MYO1B: variants seen among roughly 807,000 people sequenced by gnomAD.
The protein encoded by MYO1B is myosin IB.
A neutral mutation model predicts 159.7 loss-of-function variants in MYO1B; 72 were observed. The observed-to-expected ratio is 0.45, with a 90% CI of 0.37 to 0.55. MYO1B has a LOEUF of 0.55. MYO1B is among the 20% of genes least tolerant of loss of function. The probability of loss-of-function intolerance (pLI) is 0.00; values close to 1 mark genes in which losing one functional copy is unlikely to be tolerated. For missense variants in MYO1B, 1,062 were observed against 1,364.8 expected (o/e 0.78, Z 3.50); for synonymous variants, 468 against 473.8 (o/e 0.99, Z 0.16).
chr2:191,353,693 C>T (rs893246626), intron 7 of MYO1B, among the ~76,000 whole-genome samples: 13 of 152,158 alleles, frequency 8.5e-5, no homozygotes, highest in African/African-American at 2.7e-4. Flanking sequence ...AAACAAAAGA[C>T]GGCAAATTAC....
At chr2:191,408,403 C>A (rs151048598) in intron 25 of MYO1B, among the ~76,000 whole-genome samples, 1 of 152,084 alleles carries the variant, frequency 6.6e-6, no homozygotes, top group Admixed American at 6.5e-5. Flanking sequence ...GTTAATGGCC[C>A]GTATATTATT....
Position 191,270,729 on chromosome 2 carries a change from C to T in MYO1B, c.-9-6158C>T, listed in dbSNP as rs998807934. On this transcript the variant is annotated intron_variant, in intron 1 of 30. Transcript: ENST00000392318. ...TGCCATCAGGATTTGCTGAGAGTTA[C>T]TGTGTTCATGAAATCTTGCCACATT... Among the ~76,000 whole-genome samples the T allele has an allele frequency of 7.2e-5, 11 of 152,322 alleles. No homozygotes were observed. In the South Asian group the frequency reaches 8.3e-4, roughly 11 times the overall value.
chr2:191,338,932 G>T (rs1692034759), intron 4 of MYO1B, among the ~76,000 whole-genome samples: 1 of 152,198 alleles, frequency 6.6e-6, no homozygotes, highest in East Asian at 1.9e-4. Flanking sequence ...CAGTTATTTT[G>T]CTGATAAATG....
At chr2:191,398,425 C>CG (rs1443865932) in intron 21 of MYO1B, among the ~76,000 whole-genome samples, 9 of 107,858 alleles carry the variant, frequency 8.3e-5, no homozygotes, top group Non-Finnish European at 1.8e-4. Flanking sequence ...GGGGGCTGAC[C>CG]CCCCCCCACC....
intron 2 of MYO1B, among the ~76,000 whole-genome samples, chr2:191,283,201 C>T (rs1328121269): frequency 6.6e-6 from 1 of 152,216 alleles, no homozygotes; most frequent in Non-Finnish European, 1.5e-5. Context: ...AAAGTTGACA[C>T]ATATTTGTTG....
At chr2:191,369,692 T>A (rs1694240107) in intron 12 of MYO1B, 64 bp downstream of exon 12, 13 of 1,239,546 alleles carry the variant, frequency 1.0e-5, no homozygotes, top group Non-Finnish European at 1.5e-5. Flanking sequence ...AACATTAAGT[T>A]GAAGAAAGTT....
At chr2:191,282,788 C>T (rs911504122) in intron 2 of MYO1B, among the ~76,000 whole-genome samples, 1 of 152,150 alleles carries the variant, frequency 6.6e-6, no homozygotes, top group African/African-American at 2.4e-5. Context: ...TTAATGCCAC[C>T]TCCAATCCCA....
chr2:191,414,311 A>G (rs1041276317), intron 28 of MYO1B, 131 bp downstream of exon 28: 29 of 1,212,030 alleles, frequency 2.4e-5, no homozygotes, highest in Non-Finnish European at 3.3e-5. Context: ...ATTTCCCCTT[A>G]CCTTTAAGCT....
At chr2:191,277,708 A>G (rs892580584) in intron 2 of MYO1B, among the ~76,000 whole-genome samples, 1 of 152,238 alleles carries the variant, frequency 6.6e-6, no homozygotes, top group African/African-American at 2.4e-5. Context: ...TGCATAAAGC[A>G]TCTGCAGAAG....
intron 1 of MYO1B, among the ~76,000 whole-genome samples, chr2:191,256,440 T>A (rs1212910707): frequency 6.6e-6 from 1 of 151,898 alleles, no homozygotes; most frequent in Non-Finnish European, 1.5e-5. Context: ...TAGTTACTAC[T>A]ATTCAGCCTT....
chr2:191,404,153 G>C (rs1443677869), intron 24 of MYO1B, among the ~76,000 whole-genome samples: 1 of 152,018 alleles, frequency 6.6e-6, no homozygotes, highest in African/African-American at 2.4e-5. Flanking sequence ...TAATATGAAT[G>C]ATAATTTTGC....
At position 191,409,112 on chromosome 2, in the gene MYO1B, C is replaced by T. The variant is rs778914440; in HGVS notation, c.2700C>T (p.Pro900=). Residue 900 remains proline (P), a synonymous_variant, in exon 26 of 31, where the codon CCC becomes CCT. Transcript: ENST00000392318. ...TATCTCCAATAGACAAGAATTGGCC[C>T]TCAAGACCTTACTTATTCTTGGATT... is the stretch of plus-strand genomic sequence containing the variant. ...PSLSPIDKNW[P]SRPYLFLDST... is the part of the protein sequence containing the mutation. 2 of 1,613,044 alleles carry T rather than the reference C, an allele frequency of 1.2e-6. No homozygotes were observed. Among genetic ancestry groups the T allele is most frequent in the Non-Finnish European group, 1.7e-6 (2 of 1,179,706 alleles).
chr2:191,316,525 T>C (rs1333175583), intron 3 of MYO1B, among the ~76,000 whole-genome samples: 2 of 152,244 alleles, frequency 1.3e-5, no homozygotes, highest in Non-Finnish European at 2.9e-5. Context: ...TGTGTATGTG[T>C]GTGTTTTAAC....
intron 1 of MYO1B, among the ~76,000 whole-genome samples, chr2:191,270,010 G>GC (rs1242274424): frequency 6.6e-6 from 1 of 152,150 alleles, no homozygotes; most frequent in East Asian, 1.9e-4. Flanking sequence ...TGGTAGGCAG[G>GC]CTGTCGATAA....
intron 6 of MYO1B, among the ~76,000 whole-genome samples, chr2:191,349,133 A>G (rs780521430): frequency 1.4e-4 from 22 of 152,220 alleles, no homozygotes; most frequent in Non-Finnish European, 2.4e-4. Flanking sequence ...CCCCCGCTAG[A>G]CAGTAAGCTC....
At chr2:191,423,621 G>A (rs1324034561) in intron 30 of MYO1B, among the ~76,000 whole-genome samples, 2 of 152,170 alleles carry the variant, frequency 1.3e-5, no homozygotes, top group African/African-American at 4.8e-5. Flanking sequence ...TAATGTTTCA[G>A]TCTTAATCTG....
At chr2:191,416,263 A>G in intron 30 of MYO1B, 21 bp downstream of exon 30, 1 of 1,613,654 alleles carries the variant, frequency 6.2e-7, no homozygotes, top group Non-Finnish European at 8.5e-7. Flanking sequence ...GTATTGTTTG[A>G]AAACCCTTTT....
chr2:191,275,557 G>A (rs1687701504), intron 1 of MYO1B, among the ~76,000 whole-genome samples: 1 of 152,160 alleles, frequency 6.6e-6, no homozygotes, highest in Non-Finnish European at 1.5e-5. Context: ...GACTAGAAGT[G>A]GGGGACATTT....
chr2:191,406,217 T>C (rs916461578), intron 24 of MYO1B, among the ~76,000 whole-genome samples: 1 of 152,270 alleles, frequency 6.6e-6, no homozygotes, highest in African/African-American at 2.4e-5. Flanking sequence ...GATTAGGCAT[T>C]GCTTAGAGGA....
Sources: gnomAD v4.1 joint callset for allele counts (sites outside exome capture counted in the v4.1 genomes callset) on GRCh38, gnomAD v4.1.1 for gene constraint, MANE v1.5 for transcripts, NCBI Gene and HGNC (gene_info 2026-07-23, HGNC 2026-07-21) for gene names.